The following NPVF variants were observed in gnomAD, a reference collection of about 807,000 sequenced individuals.
NPVF encodes neuropeptide VF precursor.
A neutral mutation model predicts 15.7 loss-of-function variants in NPVF; 17 were observed. The ratio of observed to expected loss-of-function variants is 1.08; its 90% CI spans 0.74 to 1.62. The LOEUF is 1.62. NPVF is among the 40% of genes most tolerant of loss of function. NPVF has a pLI of 0.00. For missense variants in NPVF, 270 were observed against 225.2 expected (o/e 1.20, Z -1.27); for synonymous variants, 70 against 80.1 (o/e 0.87, Z 0.67).
Position 25,225,043 on chromosome 7 carries a change from GCTAC to G in NPVF, c.*75_*78del. ...ATCCATAGCTGATGAAGTGTATGTA[GCTAC>G]TCTTCCGTGTGGTCTTCGCTATAGA... On this transcript the variant is annotated 3_prime_UTR_variant, in exon 3 of 3. Transcript: ENST00000222674. 6 of 1,184,530 alleles carry G rather than the reference GCTAC, an allele frequency of 5.1e-6. No individual in the cohort carries two copies. In the Admixed American group the frequency reaches 1.1e-4, roughly 23 times the overall value. The allele number at this position is 1,184,530 out of a possible 1,614,324, so 73.4% of individuals were successfully genotyped here. A position where few individuals can be genotyped will look rare whatever the true frequency, so the allele number is the denominator to read the frequency against.
rs1279271230 is a variant in NPVF at position 25,224,881 on chromosome 7, T to C, written c.*241A>G. The C allele has an allele frequency of 2.1e-6, 1 of 479,160 alleles. No individual in the cohort carries two copies. The allele number at this position is 479,160 out of a possible 1,614,324, so 29.7% of individuals were successfully genotyped here. Reference sequence around the variant, plus strand: ...TGTCTCTCTCTCCATTATCAGAGATTTCTAAAGCATTTGCAATGCTTTTTT... The same window carrying C: ...TGTCTCTCTCTCCATTATCAGAGATCTCTAAAGCATTTGCAATGCTTTTTT... On this transcript the variant is annotated 3_prime_UTR_variant, in exon 3 of 3. Coordinates refer to ENST00000222674, the MANE Select transcript of NPVF (RefSeq NM_022150.3).
chr7:25,226,568 T>A, intron 2 of NPVF, 58 bp downstream of exon 2: 2 of 1,542,936 alleles, frequency 1.3e-6, no homozygotes, highest in Non-Finnish European at 1.8e-6. Flanking sequence ...ATTTTTAAAG[T>A]TTCTAGACCA....
intron 1 of NPVF, among the ~76,000 whole-genome samples, chr7:25,227,740 A>T (rs1382522334): frequency 6.6e-6 from 1 of 152,248 alleles, no homozygotes; most frequent in Non-Finnish European, 1.5e-5. Context: ...GAGCTTGTCC[A>T]TATGGAAATT....
At position 25,226,966 on chromosome 7, in the gene NPVF, GTCCCCAA is replaced by G. The variant is rs754374141; in HGVS notation, c.192_198del (p.Trp65GlnfsTer7). 1.2e-6 allele frequency: 2 copies of G among 1,613,816 alleles called. No individual in the cohort carries two copies. The highest frequency in any genetic ancestry group is 2.2e-5 in the South Asian group (2 of 91,046). On this transcript the variant is annotated frameshift_variant, in exon 2 of 3. Coordinates refer to ENST00000222674, the MANE Select transcript of NPVF (RefSeq NM_022150.3). LOFTEE classifies it high-confidence loss of function. ...GTACTCATCTTAATAACATTTTTTGGTCCCCAATCTTTTAATTCCTCAAAATTGAGGC... is the reference window on the plus strand; with the variant it reads ...GTACTCATCTTAATAACATTTTTTGGTCTTTTAATTCCTCAAAATTGAGGC...
chr7:25,227,306 C>G (rs1394217047), intron 1 of NPVF, among the ~76,000 whole-genome samples: 1 of 151,998 alleles, frequency 6.6e-6, no homozygotes, highest in Non-Finnish European at 1.5e-5. Context: ...TAATGAAGTA[C>G]TGAAATGTGG....
chr7:25,226,529 T>C (rs1783130986), intron 2 of NPVF, 97 bp downstream of exon 2: 15 of 1,409,022 alleles, frequency 1.1e-5, no homozygotes, highest in African/African-American at 4.3e-5. Flanking sequence ...ACTTACTGTC[T>C]TAGAAACTTA....
chr7:25,225,173 C>A lies in NPVF; in HGVS notation c.540G>T (p.Arg180Ser), dbSNP rs778969544. 2.5e-6 allele frequency: 4 copies of A among 1,611,882 alleles called. No homozygotes were observed. Among genetic ancestry groups the A allele is most frequent in the Non-Finnish European group, 2.5e-6 (3 of 1,178,454 alleles). Residue 180 changes from arginine (R) to serine (S), a missense_variant and splice_region_variant, in exon 3 of 3, where the codon AGG becomes AGT. By Grantham distance (110) the Arg-to-Ser change is moderately radical (BLOSUM62 -1). Coordinates refer to ENST00000222674, the MANE Select transcript of NPVF (RefSeq NM_022150.3). The stretch of plus-strand genomic sequence containing the variant: ...CATCTATTTTCTTGAATAGCAGTCT[C>A]CTAAAATGTAAGCAGTATAAAATGT... ...EIQNPDQKQS[R>S]RLLFKKIDDA... is the part of the protein sequence containing the mutation.
At chr7:25,227,594 A>G (rs1783147485) in intron 1 of NPVF, among the ~76,000 whole-genome samples, 3 of 152,168 alleles carry the variant, frequency 2.0e-5, no homozygotes, top group Non-Finnish European at 2.9e-5. Context: ...AACCAATTGC[A>G]TTTTTATTAG....
Position 25,226,899 on chromosome 7 carries a change from G to A in NPVF, c.266C>T (p.Pro89Leu). ...NKMPHSFANL[P>L]LRFGRNVQEE... Reference sequence around the variant, plus strand: ...TTGAACGTTCCTCCCAAATCTCAATGGCAAGTTGGCGAAGGAGTGTGGCAT... The same window carrying A: ...TTGAACGTTCCTCCCAAATCTCAATAGCAAGTTGGCGAAGGAGTGTGGCAT... The change falls in exon 2 of 3, where the codon CCA becomes CTA. Residue 89 changes from proline to leucine, a missense_variant. Physicochemically the swap from Pro to Leu is moderately conservative, Grantham distance 98. Coordinates refer to ENST00000222674, the MANE Select transcript of NPVF (RefSeq NM_022150.3). 1 of 1,614,148 alleles carries A rather than the reference G, an allele frequency of 6.2e-7. No homozygotes were observed. Among genetic ancestry groups the A allele is most frequent in the Non-Finnish European group, 8.5e-7 (1 of 1,180,032 alleles).
chr7:25,226,304 T>C (rs984866330), intron 2 of NPVF, among the ~76,000 whole-genome samples: 3 of 152,218 alleles, frequency 2.0e-5, no homozygotes, highest in Non-Finnish European at 2.9e-5. Context: ...TGAGACTTTT[T>C]ATGTGGGAGA....
At position 25,225,153 on chromosome 7, in the gene NPVF, A is replaced by G. The variant is rs766833726; in HGVS notation, c.560T>C (p.Ile187Thr). 6.8e-6 allele frequency: 11 copies of G among 1,613,400 alleles called. No homozygotes were observed. The highest frequency in any genetic ancestry group is 9.3e-6 in the Non-Finnish European group (11 of 1,179,654). ...KQSRRLLFKK[I>T]DDAELKQEK ...TTCTTGTTTCAATTCTGCATCATCTATTTTCTTGAATAGCAGTCTCCTAAA... is the reference window on the plus strand; with the variant it reads ...TTCTTGTTTCAATTCTGCATCATCTGTTTTCTTGAATAGCAGTCTCCTAAA... Residue 187 changes from isoleucine to threonine, a missense_variant, in exon 3 of 3, where the codon ATA becomes ACA. By Grantham distance (89) the Ile-to-Thr change is moderately conservative. Transcript: ENST00000222674.
Position 25,227,042 on chromosome 7 carries a change from A to G in NPVF, c.139-16T>C, listed in dbSNP as rs777026204. 1.3e-6 allele frequency: 2 copies of G among 1,588,928 alleles called. No individual in the cohort carries two copies. Among genetic ancestry groups the G allele is most frequent in the Non-Finnish European group, 8.6e-7 (1 of 1,165,734 alleles). ...ATCCTCTAGGCTATAATTAGAAATG[A>G]CCATTACAATAACATACTGTTGTTA... On this transcript the variant is annotated splice_polypyrimidine_tract_variant and intron_variant, in intron 1 of 2. Transcript: ENST00000222674.
intron 1 of NPVF, 84 bp from the exon 2 acceptor site, chr7:25,227,110 T>A: frequency 8.5e-7 from 1 of 1,181,310 alleles, no homozygotes. Flanking sequence ...AATCTAGACT[T>A]TAATCTGCAG....
intron 2 of NPVF, among the ~76,000 whole-genome samples, chr7:25,226,386 C>A (rs56272919): frequency 0.2 from 30,034 of 152,120 alleles, 3,243 homozygotes; most frequent in East Asian, 0.5. Context: ...GAGATTGATG[C>A]TTATATGTGG....
At position 25,226,607 on chromosome 7, in the gene NPVF, C is replaced by T. The variant is rs369484647; in HGVS notation, c.539+19G>A. On this transcript the variant is annotated intron_variant, in intron 2 of 2. Transcript: ENST00000222674. ...CTATATAACTGCCCATGCACTTTGA[C>T]TGGTTTCCAGGTATTTACCTTGACT... 1.5e-5 allele frequency: 24 copies of T among 1,607,388 alleles called. No homozygotes were observed. In the Middle Eastern group the frequency reaches 5.0e-4, roughly 33 times the overall value.
At chr7:25,227,791 G>A (rs1447875411) in intron 1 of NPVF, among the ~76,000 whole-genome samples, 2 of 152,084 alleles carry the variant, frequency 1.3e-5, no homozygotes, top group Non-Finnish European at 2.9e-5. Context: ...AGTAAAATGA[G>A]TATACACGCT....
intron 1 of NPVF, among the ~76,000 whole-genome samples, chr7:25,227,668 C>T (rs1783148584): frequency 6.6e-6 from 1 of 152,046 alleles, no homozygotes; most frequent in African/African-American, 2.4e-5. Flanking sequence ...ACAAGTATGC[C>T]AACTTTGTAG....
intron 1 of NPVF, 77 bp from the exon 2 acceptor site, chr7:25,227,103 C>G: frequency 7.9e-7 from 1 of 1,265,402 alleles, no homozygotes. Flanking sequence ...TAACTTAAAT[C>G]TAGACTTTAA....
rs1783134741 is a variant in NPVF at position 25,226,769 on chromosome 7, C to G, written c.396G>C (p.Gly132=). The G allele has an allele frequency of 2.5e-6, 4 of 1,614,154 alleles. No individual in the cohort carries two copies. Among genetic ancestry groups the G allele is most frequent in the Non-Finnish European group, 3.4e-6 (4 of 1,180,014 alleles). Residue 132 remains glycine, a synonymous_variant, in exon 2 of 3, where the codon GGG becomes GGC. Coordinates refer to ENST00000222674, the MANE Select transcript of NPVF (RefSeq NM_022150.3). ...RRVPNLPQRF[G]RTTTAKSVCR... Reference sequence around the variant, plus strand: ...AGACACTTTTGGCTGTTGTTGTTCTCCCAAACCTTTGGGGCAGGTTAGGAA... The same window carrying G: ...AGACACTTTTGGCTGTTGTTGTTCTGCCAAACCTTTGGGGCAGGTTAGGAA...
Sources: allele counts gnomAD v4.1 joint callset (sites outside exome capture counted in the v4.1 genomes callset), GRCh38; gene constraint gnomAD v4.1.1; transcripts MANE v1.5; gene names NCBI Gene and HGNC (gene_info 2026-07-23, HGNC 2026-07-21).